GTF3C1: variants seen among roughly 807,000 people sequenced by gnomAD.
GTF3C1 encodes the protein general transcription factor IIIC subunit 1.
Under a neutral mutation model 226.7 loss-of-function variants are expected in GTF3C1, and 57 were observed. The ratio of observed to expected loss-of-function variants is 0.25; its 90% CI spans 0.20 to 0.31. The LOEUF (loss-of-function observed/expected upper bound fraction) is 0.31. Among genes scored for constraint, GTF3C1 ranks in the 10% least tolerant of loss-of-function variants. GTF3C1 has a pLI of 1.00. For synonymous variants in GTF3C1, 1,090 were observed against 1,084.8 expected (o/e 1.00, Z -0.09); for missense variants, 2,217 against 2,776.1 (o/e 0.80, Z 4.53).
At chr16:27,481,026 C>G in intron 27 of GTF3C1, 53 bp downstream of exon 27, 1 of 1,459,366 alleles carries the variant, frequency 6.9e-7, no homozygotes, top group Non-Finnish European at 9.6e-7. Flanking sequence ...CAGGGCTGGC[C>G]TTTTCTTCTT....
Position 27,528,662 on chromosome 16 carries a change from G to A in GTF3C1, c.909C>T (p.Ala303=), listed in dbSNP as rs1352362973. 20 of 1,611,688 alleles carry A rather than the reference G, an allele frequency of 1.2e-5. No individual in the cohort carries two copies. Among genetic ancestry groups the A allele is most frequent in the Non-Finnish European group, 1.4e-5 (16 of 1,177,894 alleles). Residue 303 remains alanine (A), a synonymous_variant, in exon 6 of 37, where the codon GCC becomes GCT. Transcript: ENST00000356183. ...LYQYMLNAGL[A]KVVSLRLQEI... is the part of the protein sequence containing the mutation. The stretch of plus-strand genomic sequence containing the variant: ...CTTGCAAGCGAAGAGACACCACCTT[G>A]GCTAGCCCGGCGTTCAGCATATACT...
intron 6 of GTF3C1, among the ~76,000 whole-genome samples, chr16:27,523,660 T>C (rs1567409344): frequency 6.6e-6 from 1 of 152,120 alleles, no homozygotes; most frequent in Non-Finnish European, 1.5e-5. Flanking sequence ...AAGCAGACAC[T>C]GTACAGCCTT....
At position 27,489,001 on chromosome 16, in the gene GTF3C1, C is replaced by T. The variant is rs375632169; in HGVS notation, c.3429+42G>A. 27 of 1,590,906 alleles carry T rather than the reference C, an allele frequency of 1.7e-5. No individual in the cohort carries two copies. In the East Asian group the frequency reaches 3.6e-4, roughly 21 times the overall value. ...CAGGGAGGGACAGGAGGGTGAGTAG[C>T]GAGGACCCCTGAGATTGTAGTCCGG... On this transcript the variant is annotated intron_variant, in intron 21 of 36. Coordinates refer to ENST00000356183, the MANE Select transcript of GTF3C1 (RefSeq NM_001520.4).
At chr16:27,508,767 C>G in intron 7 of GTF3C1, 112 bp from the exon 8 acceptor site, 1 of 726,748 alleles carries the variant, frequency 1.4e-6, no homozygotes, top group Non-Finnish European at 2.4e-6. Flanking sequence ...AATTAACAGA[C>G]AGAACAAAAC....
At chr16:27,514,746 T>A (rs1355383672) in intron 6 of GTF3C1, among the ~76,000 whole-genome samples, 1 of 152,138 alleles carries the variant, frequency 6.6e-6, no homozygotes, top group African/African-American at 2.4e-5. Context: ...ATGAGAACAC[T>A]AAGGAGCCAA....
At chr16:27,482,983 C>T in intron 26 of GTF3C1, 61 bp downstream of exon 26, 2 of 1,407,762 alleles carry the variant, frequency 1.4e-6, no homozygotes, top group Non-Finnish European at 2.0e-6. Context: ...GAGGAGCTGA[C>T]TGAAGTCTAG....
chr16:27,487,052 GC>G (rs2088150864), intron 23 of GTF3C1, among the ~76,000 whole-genome samples: 1 of 152,156 alleles, frequency 6.6e-6, no homozygotes, highest in African/African-American at 2.4e-5. Context: ...GACACCATAT[GC>G]CACTGCCAAT....
chr16:27,500,117 C>T (rs1418425756), intron 12 of GTF3C1, among the ~76,000 whole-genome samples: 1 of 152,190 alleles, frequency 6.6e-6, no homozygotes, highest in African/African-American at 2.4e-5. Flanking sequence ...TCTCCCTAAC[C>T]CTAGACTGGA....
intron 4 of GTF3C1, among the ~76,000 whole-genome samples, chr16:27,536,479 C>A (rs1482660477): frequency 6.6e-6 from 1 of 152,158 alleles, no homozygotes; most frequent in Non-Finnish European, 1.5e-5. Context: ...TGCCTGTAGT[C>A]CCAGCTACTC....
At chr16:27,484,129 C>A in intron 25 of GTF3C1, 82 bp downstream of exon 25, 1 of 1,036,860 alleles carries the variant, frequency 9.6e-7, no homozygotes, top group South Asian at 1.3e-5. Flanking sequence ...CAGTGTGCTC[C>A]AGCCACACTT....
chr16:27,518,953 A>G (rs2088704069), intron 6 of GTF3C1, among the ~76,000 whole-genome samples: 1 of 152,230 alleles, frequency 6.6e-6, no homozygotes, highest in African/African-American at 2.4e-5. Flanking sequence ...CACTCAACGC[A>G]TGCTCTCTGG....
intron 29 of GTF3C1, among the ~76,000 whole-genome samples, chr16:27,472,701 G>A (rs1262028385): frequency 6.6e-6 from 1 of 152,146 alleles, no homozygotes; most frequent in Non-Finnish European, 1.5e-5. Flanking sequence ...CCTGCCTTGG[G>A]GCCTTTGCCC....
intron 6 of GTF3C1, among the ~76,000 whole-genome samples, chr16:27,517,470 G>C (rs1316448728): frequency 6.6e-6 from 1 of 152,172 alleles, no homozygotes; most frequent in Non-Finnish European, 1.5e-5. Flanking sequence ...GGAGGAACTG[G>C]GGACTTGGCT....
At chr16:27,501,608 A>T (rs1419945027) in intron 11 of GTF3C1, among the ~76,000 whole-genome samples, 1 of 152,254 alleles carries the variant, frequency 6.6e-6, no homozygotes, top group African/African-American at 2.4e-5. Flanking sequence ...CTACGATTTG[A>T]GATCATGATG....
At position 27,548,037 on chromosome 16, in the gene GTF3C1, G is replaced by T. The variant is rs555376653; in HGVS notation, c.221+1633C>A. ...TTAGCATGCCACTTGACCCCTCAGG[G>T]CCTCGATTTTCTCTTCAGGAAAATG... On this transcript the variant is annotated intron_variant, in intron 1 of 36. Transcript: ENST00000356183. Among the ~76,000 whole-genome samples the T allele has an allele frequency of 5.3e-5, 8 of 152,150 alleles. No homozygotes were observed. The South Asian group carries it at 8.3e-4, about 16-fold the overall frequency.
intron 13 of GTF3C1, among the ~76,000 whole-genome samples, chr16:27,498,068 C>T (rs1408624709): frequency 2.0e-5 from 3 of 152,096 alleles, no homozygotes; most frequent in African/African-American, 7.2e-5. Flanking sequence ...GAAAGGGAAC[C>T]CAACGTGCTA....
chr16:27,540,608 C>T (rs1040588674), intron 2 of GTF3C1, among the ~76,000 whole-genome samples: 2 of 152,186 alleles, frequency 1.3e-5, no homozygotes, highest in Non-Finnish European at 2.9e-5. Flanking sequence ...ATGCAAAGTA[C>T]ACCAGGATAC....
In GTF3C1 at chr16:27,469,231, A is replaced by G; in HGVS notation, c.5074+60T>C. On this transcript the variant is annotated intron_variant, in intron 32 of 36. Transcript: ENST00000356183. The surrounding 1 kb of genome is among the most constrained non-coding windows in gnomAD (Gnocchi z 4.5). The stretch of plus-strand genomic sequence containing the variant: ...AGGTCTAGGTCCCAGGCCAGGCCTC[A>G]GGGTCTTCCTGGATGATGGCGAGGC... The G allele has an allele frequency of 6.7e-7, 1 of 1,494,632 alleles. No homozygotes were observed. Among genetic ancestry groups the G allele is most frequent in the Non-Finnish European group, 9.0e-7 (1 of 1,111,384 alleles). The allele number at this position is 1,494,632 out of a possible 1,614,324, so 92.6% of individuals were successfully genotyped here. A position where few individuals can be genotyped will look rare whatever the true frequency, so the allele number is the denominator to read the frequency against.
intron 24 of GTF3C1, 95 bp downstream of exon 24, chr16:27,485,902 A>G (rs1265537385): frequency 4.1e-6 from 3 of 723,732 alleles, no homozygotes; most frequent in Non-Finnish European, 7.0e-6. Flanking sequence ...AGCAGCTGAG[A>G]GGAGTGGTCT....
Sources: gnomAD v4.1 joint callset for allele counts (sites outside exome capture counted in the v4.1 genomes callset) on GRCh38, gnomAD v4.1.1 for gene constraint, Gnocchi (gnomAD v3.1) non-coding constraint, MANE v1.5 for transcripts, NCBI Gene and HGNC (gene_info 2026-07-23, HGNC 2026-07-21) for gene names.